Variants in MAPKAPK5 observed in about 807,000 individuals in gnomAD.
MAPKAPK5 encodes MAPK activated protein kinase 5.
Under a neutral mutation model 65.1 loss-of-function variants are expected in MAPKAPK5, and 30 were observed. The ratio of observed to expected loss-of-function variants is 0.46; its 90% CI spans 0.34 to 0.63. The LOEUF is 0.63. Ranked by LOEUF, MAPKAPK5 falls within the 20% of genes least tolerant of loss-of-function variation. The pLI is 0.01. For synonymous variants in MAPKAPK5, 179 were observed against 204.6 expected (o/e 0.87, Z 1.07); for missense variants, 433 against 581.4 (o/e 0.74, Z 2.63).
intron 12 of MAPKAPK5, 47 bp from the exon 13 acceptor site, chr12:111,889,993 A>G (rs1566278686): frequency 8.2e-7 from 1 of 1,215,508 alleles, no homozygotes; most frequent in Non-Finnish European, 1.2e-6. Flanking sequence ...CTAAAACCCC[A>G]TGATGCTGCA....
At chr12:111,889,745 A>AC in intron 12 of MAPKAPK5, 1 of 267,844 alleles carries the variant, frequency 3.7e-6, no homozygotes, top group Non-Finnish European at 7.3e-6. Context: ...TCTTTGGTTG[A>AC]CCAGGTGTCT....
intron 8 of MAPKAPK5, among the ~76,000 whole-genome samples, chr12:111,881,403 CTT>C (rs61349417): frequency 3.3e-4 from 36 of 110,704 alleles, no homozygotes; most frequent in Non-Finnish European, 3.9e-4. Context: ...CTGTCTGTTC[CTT>C]TTTTTTTTTT....
intron 7 of MAPKAPK5, among the ~76,000 whole-genome samples, chr12:111,874,597 G>A (rs1247772587): frequency 1.4e-5 from 2 of 147,984 alleles, no homozygotes. Flanking sequence ...TCAGCCTCTG[G>A]GATGACAGGC....
chr12:111,889,396 C>T, intron 12 of MAPKAPK5: 1 of 183,886 alleles, frequency 5.4e-6, no homozygotes, highest in East Asian at 1.4e-4. Context: ...CTTTAGAGTG[C>T]AAGGCTGCCA....
chr12:111,871,205 A>G (rs758581140), intron 7 of MAPKAPK5, 25 bp downstream of exon 7: 2 of 1,588,704 alleles, frequency 1.3e-6, no homozygotes, highest in Non-Finnish European at 1.7e-6. Flanking sequence ...TTTCTGTCCT[A>G]AGATCTGTCA....
chr12:111,877,934 C>G (rs1027434247), intron 7 of MAPKAPK5, among the ~76,000 whole-genome samples: 2 of 151,960 alleles, frequency 1.3e-5, no homozygotes, highest in Non-Finnish European at 2.9e-5. Context: ...TCAAGTGATC[C>G]TCCTGCCTCA....
At chr12:111,874,773 CT>C (rs34005167) in intron 7 of MAPKAPK5, among the ~76,000 whole-genome samples, 6,701 of 107,676 alleles carry the variant, frequency 0.062, 638 homozygotes, top group East Asian at 0.53. Context: ...ATACTAGTGA[CT>C]TTTTTTTTTT....
chr12:111,871,081 TCAGG>T lies in MAPKAPK5; in HGVS notation c.484-3_484del. 6.2e-7 allele frequency: 1 copy of T among 1,611,412 alleles called. No individual in the cohort carries two copies. Among genetic ancestry groups the T allele is most frequent in the Non-Finnish European group, 8.5e-7 (1 of 1,178,752 alleles). On this transcript the variant is annotated splice_acceptor_variant and splice_polypyrimidine_tract_variant and coding_sequence_variant and intron_variant, in exon 7 of 14. Transcript: ENST00000550735. LOFTEE classifies it high-confidence loss of function. ...GCAGTGACTCCTTTTTTTTTTAATT[TCAGG>T]ATGCCCCAGTGAAGTTGTGTGACTT... is the stretch of plus-strand genomic sequence containing the variant.
Position 111,890,086 on chromosome 12 carries a change from G to C in MAPKAPK5, c.1263G>C (p.Trp421Cys). ...EKLNEVMQEAWKYNRECKLLR... is the reference protein window; with the variant it reads ...EKLNEVMQEACKYNRECKLLR... The stretch of plus-strand genomic sequence containing the variant: ...TGAATGAAGTAATGCAGGAGGCTTG[G>C]AAGTATAACCGGGAATGCAAACTCC... The change falls in exon 13 of 14, where the codon TGG becomes TGC. Residue 421 changes from tryptophan (W) to cysteine (C), a missense_variant. Physicochemically the swap from Trp to Cys is radical, Grantham distance 215. Coordinates refer to ENST00000550735, the MANE Select transcript of MAPKAPK5 (RefSeq NM_003668.4). 1 of 1,600,422 alleles carries C rather than the reference G, an allele frequency of 6.2e-7. No individual in the cohort carries two copies. Among genetic ancestry groups the C allele is most frequent in the Non-Finnish European group, 8.5e-7 (1 of 1,173,802 alleles).
Position 111,842,654 on chromosome 12 carries a change from G to GCC in MAPKAPK5, c.-78_-77dup, listed in dbSNP as rs2068750261. The GCC allele has an allele frequency of 1.8e-6, 2 of 1,106,100 alleles. No homozygotes were observed. Among genetic ancestry groups the GCC allele is most frequent in the East Asian group, 6.3e-5 (2 of 31,754 alleles). The allele number at this position is 1,106,100 out of a possible 1,614,324, so 68.5% of individuals were successfully genotyped here. On this transcript the variant is annotated 5_prime_UTR_variant, in exon 1 of 14. Transcript: ENST00000550735. The stretch of plus-strand genomic sequence containing the variant: ...CGAGGCCCAGGGGCCCGAGTGCCGA[G>GCC]CCCTTTGCTCCCTCGGCCGCGCGGG...
rs2071046401 is a variant in MAPKAPK5, at chr12:111,901,309, A to G, written c.*8248A>G. On this transcript the variant is annotated 3_prime_UTR_variant, in exon 14 of 14. Coordinates refer to ENST00000550735, the MANE Select transcript of MAPKAPK5 (RefSeq NM_003668.4). ...GTTTGTAATGATTTAGGGCACTGCC[A>G]CTGTAATGAAGGGCATGCCCCCCCT... 4.4e-6 allele frequency: 2 copies of G among 455,954 alleles called. No individual in the cohort carries two copies. Among genetic ancestry groups the G allele is most frequent in the South Asian group, 3.1e-5 (2 of 64,560 alleles). 28.2% of individuals were successfully genotyped at this position (455,954 alleles called of 1,614,324 possible).
At chr12:111,846,841 A>G (rs2068920877) in intron 1 of MAPKAPK5, among the ~76,000 whole-genome samples, 1 of 151,980 alleles carries the variant, frequency 6.6e-6, no homozygotes, top group African/African-American at 2.4e-5. Context: ...GTGTAATGAA[A>G]TCTCTTGCCA....
chr12:111,891,003 A>G (rs2070584955), intron 13 of MAPKAPK5, among the ~76,000 whole-genome samples: 1 of 152,114 alleles, frequency 6.6e-6, no homozygotes, highest in Admixed American at 6.6e-5. Context: ...AAACTGTACT[A>G]GACTTATGCT....
At chr12:111,844,325 G>A (rs1052531281) in intron 1 of MAPKAPK5, among the ~76,000 whole-genome samples, 1 of 151,700 alleles carries the variant, frequency 6.6e-6, no homozygotes, top group African/African-American at 2.4e-5. Context: ...CCAGTAGCTG[G>A]GACTACAGGC....
rs1018304498 is a variant in MAPKAPK5, at chr12:111,900,332, T to C, written c.*7271T>C. ...CTGTTGAATCCTTCCATCATGAAGA[T>C]GTGCTGTTGTTTGCAGCCCTGATGG... On this transcript the variant is annotated 3_prime_UTR_variant, in exon 14 of 14. Coordinates refer to ENST00000550735, the MANE Select transcript of MAPKAPK5 (RefSeq NM_003668.4). 1 of 456,002 alleles carries C rather than the reference T, an allele frequency of 2.2e-6. No individual in the cohort carries two copies. The highest frequency in any genetic ancestry group is 4.4e-6 in the Non-Finnish European group (1 of 226,816). 28.2% of individuals were successfully genotyped at this position (456,002 alleles called of 1,614,324 possible).
At chr12:111,867,456 T>C in intron 3 of MAPKAPK5, 116 bp from the exon 4 acceptor site, 1 of 654,240 alleles carries the variant, frequency 1.5e-6, no homozygotes, top group Non-Finnish European at 2.6e-6. Flanking sequence ...GGTTTTTACA[T>C]CATTCTAAGT....
intron 1 of MAPKAPK5, among the ~76,000 whole-genome samples, chr12:111,848,341 C>A (rs1309452102): frequency 1.3e-5 from 2 of 151,636 alleles, no homozygotes; most frequent in East Asian, 3.9e-4. Context: ...TGCTGTTGGA[C>A]ATCTTTTTGT....
chr12:111,888,897 G>T lies in MAPKAPK5; in HGVS notation c.1113G>T (p.Lys371Asn). 6.2e-7 allele frequency: 1 copy of T among 1,613,814 alleles called. No homozygotes were observed. The highest frequency in any genetic ancestry group is 2.2e-5 in the East Asian group (1 of 44,874). ...RKRKLLGTKP[K>N]DSVYIHDHEN... ...CAAACTCTTAAAGCACCAAGCCAAA[G>T]GACAGTGTCTATATCCACGACCATG... Residue 371 changes from lysine to asparagine, a missense_variant, in exon 12 of 14, where the codon AAG becomes AAT. Coordinates refer to ENST00000550735, the MANE Select transcript of MAPKAPK5 (RefSeq NM_003668.4).
At chr12:111,885,867 CT>C in intron 9 of MAPKAPK5, 48 bp from the exon 10 acceptor site, 1 of 1,612,384 alleles carries the variant, frequency 6.2e-7, no homozygotes, top group Non-Finnish European at 8.5e-7. Flanking sequence ...TTCCTATGGC[CT>C]TTTGGTAGCA....
Sources: gnomAD v4.1 joint callset for allele counts (sites outside exome capture counted in the v4.1 genomes callset) on GRCh38, gnomAD v4.1.1 for gene constraint, MANE v1.5 for transcripts, NCBI Gene and HGNC (gene_info 2026-07-23, HGNC 2026-07-21) for gene names.